NTM: variants seen among roughly 807,000 people sequenced by gnomAD.
NTM encodes the protein neurotrimin.
NTM carries 13 observed loss-of-function variants against 42.1 expected under a neutral mutation model. The observed-to-expected ratio is 0.31, with a 90% CI of 0.20 to 0.49. The LOEUF is 0.49. NTM is among the 20% of genes least tolerant of loss of function. The pLI is 0.99. For synonymous variants in NTM, 187 were observed against 179.2 expected (o/e 1.04, Z -0.35); for missense variants, 373 against 452.8 (o/e 0.82, Z 1.60).
At chr11:132,120,998 A>C (rs1209923192) in intron 2 of NTM, among the ~76,000 whole-genome samples, 1 of 152,170 alleles carries the variant, frequency 6.6e-6, no homozygotes, top group African/African-American at 2.4e-5. Flanking sequence ...TAATCATTGT[A>C]ATGCCTTTTT....
chr11:131,928,647 CTGTT>C (rs1454264594), intron 2 of NTM, among the ~76,000 whole-genome samples: 2 of 124,106 alleles, frequency 1.6e-5, no homozygotes, highest in Non-Finnish European at 3.7e-5. Context: ...ACTGCAAACT[CTGTT>C]TGTTTTCTGT....
chr11:132,132,177 C>A (rs7483328), intron 2 of NTM, among the ~76,000 whole-genome samples: 2 of 152,178 alleles, frequency 1.3e-5, no homozygotes, highest in African/African-American at 4.8e-5. Context: ...TCTGCTCCCC[C>A]AATCCCCGTC....
intron 1 of NTM, among the ~76,000 whole-genome samples, chr11:131,753,573 T>C (rs1291205967): frequency 1.4e-5 from 2 of 148,146 alleles, no homozygotes; most frequent in African/African-American, 5.3e-5. Flanking sequence ...TAAAAAGTGA[T>C]GAGTTCATGT....
At chr11:131,739,100 T>C (rs974630262) in intron 1 of NTM, among the ~76,000 whole-genome samples, 4 of 152,086 alleles carry the variant, frequency 2.6e-5, no homozygotes, top group African/African-American at 9.7e-5. Flanking sequence ...ATTATAAAGA[T>C]GATTGAGATT....
intron 1 of NTM, among the ~76,000 whole-genome samples, chr11:131,802,090 G>A (rs2092163923): frequency 6.6e-6 from 1 of 152,176 alleles, no homozygotes; most frequent in South Asian, 2.1e-4. Context: ...GCATAGGTAA[G>A]AGAGAGTCTC....
chr11:131,699,961 T>C lies in NTM; in HGVS notation c.83-211603T>C, dbSNP rs910080366. On this transcript the variant is annotated intron_variant, in intron 1 of 8. Coordinates refer to ENST00000683400, the MANE Select transcript of NTM (RefSeq NM_001352005.2). ...GTGTGTGTGTGTGTGTGTGTGTGTG[T>C]GTATTCAGTATCTTGAACTAGACCA... Among the ~76,000 whole-genome samples the C allele has an allele frequency of 3.7e-5, 5 of 135,852 alleles. No homozygotes were observed. The South Asian group carries it at 7.2e-4, about 20-fold the overall frequency. 89.1% of individuals were successfully genotyped at this position (135,852 alleles called of 152,430 possible). A position where few individuals can be genotyped will look rare whatever the true frequency, so the allele number is the denominator to read the frequency against.
At chr11:131,940,003 AAGT>A (rs1358904667) in intron 2 of NTM, among the ~76,000 whole-genome samples, 9 of 152,334 alleles carry the variant, frequency 5.9e-5, no homozygotes, top group African/African-American at 1.9e-4. Flanking sequence ...TCTCTTGTCT[AAGT>A]AGTTCTGCTC....
At chr11:131,503,799 C>T (rs750514969) in intron 1 of NTM, among the ~76,000 whole-genome samples, 15 of 152,116 alleles carry the variant, frequency 9.9e-5, no homozygotes, top group Non-Finnish European at 1.3e-4. Flanking sequence ...TGCGAGCCAC[C>T]ACGCCCCACT....
At chr11:131,638,610 A>G (rs1378484506) in intron 1 of NTM, among the ~76,000 whole-genome samples, 3 of 151,830 alleles carry the variant, frequency 2.0e-5, no homozygotes, top group East Asian at 3.9e-4. Flanking sequence ...GGTAAATCAC[A>G]TAAAGAAAAC....
At chr11:131,700,975 G>A (rs1193299722) in intron 1 of NTM, among the ~76,000 whole-genome samples, 1 of 152,194 alleles carries the variant, frequency 6.6e-6, no homozygotes, top group East Asian at 1.9e-4. Flanking sequence ...CCTTACAGAA[G>A]TTTCTTAAAG....
At chr11:132,206,318 C>T (rs1370177814) in intron 3 of NTM, among the ~76,000 whole-genome samples, 1 of 152,214 alleles carries the variant, frequency 6.6e-6, no homozygotes, top group African/African-American at 2.4e-5. Flanking sequence ...CATCATCTGG[C>T]TGTCATTCAC....
intron 1 of NTM, among the ~76,000 whole-genome samples, chr11:131,458,456 T>C (rs1951097561): frequency 6.6e-6 from 1 of 152,186 alleles, no homozygotes; most frequent in Admixed American, 6.5e-5. Flanking sequence ...AGCCTCTGCC[T>C]ACCAAAATCC....
intron 2 of NTM, among the ~76,000 whole-genome samples, chr11:132,028,698 G>A (rs2075523811): frequency 6.6e-6 from 1 of 152,152 alleles, no homozygotes; most frequent in Non-Finnish European, 1.5e-5. Context: ...AGGAAGTGTA[G>A]AAGGGGCTGC....
At chr11:131,404,723 AT>A (rs1297393517) in intron 1 of NTM, among the ~76,000 whole-genome samples, 1 of 152,174 alleles carries the variant, frequency 6.6e-6, no homozygotes, top group Admixed American at 6.5e-5. Flanking sequence ...CACCTGCCCA[AT>A]GGAGAGGTTT....
At chr11:132,138,486 G>A (rs10791209) in intron 2 of NTM, among the ~76,000 whole-genome samples, 35,547 of 152,038 alleles carry the variant, frequency 0.23, 4,617 homozygotes, top group South Asian at 0.34. Flanking sequence ...AAAGTGGTCC[G>A]GTGCACCTAA....
At chr11:132,056,007 G>A (rs1363876757) in intron 2 of NTM, among the ~76,000 whole-genome samples, 1 of 152,216 alleles carries the variant, frequency 6.6e-6, no homozygotes, top group South Asian at 2.1e-4. Context: ...TCCTGAGGAG[G>A]AAGGCAGCTG....
intron 1 of NTM, among the ~76,000 whole-genome samples, chr11:131,621,443 A>C (rs1168564411): frequency 6.6e-6 from 1 of 152,050 alleles, no homozygotes; most frequent in African/African-American, 2.4e-5. Context: ...ATGGCCAAAT[A>C]CAAGGGCAAG....
Position 132,134,757 on chromosome 11 carries a change from A to ATATCTATC in NTM, c.168-11520_168-11519insATCTATCT, listed in dbSNP as rs57940839. Among the ~76,000 whole-genome samples the ATATCTATC allele has an allele frequency of 1.0e-3, 102 of 97,284 alleles. 1 individual carries two copies. The highest frequency in any genetic ancestry group is 1.5e-3 in the South Asian group (4 of 2,730). 63.8% of individuals were successfully genotyped at this position (97,284 alleles called of 152,430 possible). A position where few individuals can be genotyped will look rare whatever the true frequency, so the allele number is the denominator to read the frequency against. ...TATATATATATATATATATATATAT[A>ATATCTATC]TATCTCACATTTTCTTTATCTATTC... On this transcript the variant is annotated intron_variant, in intron 2 of 8. Transcript: ENST00000683400.
chr11:131,571,726 A>G (rs2057458171), intron 1 of NTM, among the ~76,000 whole-genome samples: 1 of 152,292 alleles, frequency 6.6e-6, no homozygotes, highest in South Asian at 2.1e-4. Flanking sequence ...GAGATGTCGG[A>G]TTTCCTTCTC....
Sources: gnomAD v4.1 joint callset for allele counts (sites outside exome capture counted in the v4.1 genomes callset) on GRCh38, gnomAD v4.1.1 for gene constraint, MANE v1.5 for transcripts, NCBI Gene and HGNC (gene_info 2026-07-23, HGNC 2026-07-21) for gene names.